The following SRRM1 variants were observed in gnomAD, a reference collection of about 807,000 sequenced individuals.
SRRM1 encodes the protein serine/arginine repetitive matrix protein 1.
SRRM1 carries 19 observed loss-of-function variants against 110.2 expected under a neutral mutation model. That is an observed-to-expected ratio of 0.17 (90% CI 0.12 to 0.25). The LOEUF (loss-of-function observed/expected upper bound fraction) is 0.25. Among genes scored for constraint, SRRM1 ranks in the 10% least tolerant of loss-of-function variants. The probability of loss-of-function intolerance (pLI) is 1.00; values close to 1 mark genes in which losing one functional copy is unlikely to be tolerated. For synonymous variants in SRRM1, 443 were observed against 414.9 expected (o/e 1.07, Z -0.82); for missense variants, 918 against 1,145.8 (o/e 0.80, Z 2.87).
chr1:24,652,585 CCTT>C lies in SRRM1; in HGVS notation c.880_882del (p.Ser294del), dbSNP rs758007872. 34 of 1,613,222 alleles carry C rather than the reference CCTT, an allele frequency of 2.1e-5. No individual in the cohort carries two copies. Among genetic ancestry groups the C allele is most frequent in the East Asian group, 8.9e-5 (4 of 44,840 alleles). On this transcript the variant is annotated inframe_deletion, in exon 7 of 17. Coordinates refer to ENST00000323848, the MANE Select transcript of SRRM1 (RefSeq NM_005839.4). ...AAGATCCCGGACGCGGTCCCGCTCT[CCTT>C]CTCACACTCGACCTAGACGGCGCCA...
rs764236051 is a variant in SRRM1 at position 24,669,348 on chromosome 1, A to G, written c.1965A>G (p.Ser655=). Residue 655 remains serine, a synonymous_variant, in exon 14 of 17, where the codon TCA becomes TCG. Coordinates refer to ENST00000323848, the MANE Select transcript of SRRM1 (RefSeq NM_005839.4). ...CAGTCACCAAGAGACGTTCACCTTCATTATCATCCAAGCATAGGAAAGGGT... is the reference window on the plus strand; with the variant it reads ...CAGTCACCAAGAGACGTTCACCTTCGTTATCATCCAAGCATAGGAAAGGGT... The part of the protein sequence containing the change: ...SSPVTKRRSP[S]LSSKHRKGSS... 5 of 1,614,156 alleles carry G rather than the reference A, an allele frequency of 3.1e-6. No homozygotes were observed. The highest frequency in any genetic ancestry group is 4.2e-6 in the Non-Finnish European group (5 of 1,180,038).
chr1:24,663,597 A>T (rs902295815), intron 12 of SRRM1, among the ~76,000 whole-genome samples: 1 of 152,080 alleles, frequency 6.6e-6, no homozygotes, highest in African/African-American at 2.4e-5. Context: ...ATTTGTGGTG[A>T]CATTAGGGAG....
chr1:24,669,899 A>C (rs962299618), intron 14 of SRRM1: 1 of 561,700 alleles, frequency 1.8e-6, no homozygotes, highest in Non-Finnish European at 3.1e-6. Flanking sequence ...CTAATCTTAC[A>C]TAAGAAGCAT....
At chr1:24,648,803 G>A (rs1187213927) in intron 3 of SRRM1, 56 bp from the exon 4 acceptor site, 5 of 1,524,864 alleles carry the variant, frequency 3.3e-6, no homozygotes, top group Non-Finnish European at 4.5e-6. Context: ...TGGTTGATTT[G>A]TTGGTTGGTT....
At chr1:24,644,740 G>T (rs373871726) in intron 1 of SRRM1, among the ~76,000 whole-genome samples, 229 of 152,280 alleles carry the variant, frequency 1.5e-3, no homozygotes, top group African/African-American at 5.2e-3. Context: ...CCATCAAAGT[G>T]TTTTGTAGTA....
intron 3 of SRRM1, chr1:24,647,453 CTT>C (rs1436072388): frequency 3.9e-5 from 6 of 152,344 alleles, no homozygotes; most frequent in African/African-American, 1.4e-4. Context: ...TATACTTAAA[CTT>C]CAGACAAATT....
At chr1:24,670,020 T>C in intron 14 of SRRM1, 100 bp from the exon 15 acceptor site, 1 of 1,065,692 alleles carries the variant, frequency 9.4e-7, no homozygotes, top group South Asian at 1.7e-5. Context: ...AAGTGGTATA[T>C]TTGAAATTCA....
chr1:24,645,834 T>C (rs532440116), intron 1 of SRRM1, 150 bp from the exon 2 acceptor site: 6 of 555,920 alleles, frequency 1.1e-5, no homozygotes, highest in South Asian at 4.8e-5. Flanking sequence ...ATCAGCTACA[T>C]TGGGGAAGGA....
intron 8 of SRRM1, among the ~76,000 whole-genome samples, chr1:24,654,547 C>T (rs868263188): frequency 1.3e-5 from 2 of 152,168 alleles, no homozygotes; most frequent in Admixed American, 6.6e-5. Flanking sequence ...ACACCAATAC[C>T]ATTCCTAAGG....
intron 8 of SRRM1, among the ~76,000 whole-genome samples, chr1:24,653,621 C>T (rs1190192670): frequency 6.6e-6 from 1 of 152,152 alleles, no homozygotes; most frequent in African/African-American, 2.4e-5. Flanking sequence ...AAAACCCCAA[C>T]TGTACCAGTG....
At chr1:24,649,538 C>A (rs538043821) in intron 4 of SRRM1, among the ~76,000 whole-genome samples, 3 of 152,308 alleles carry the variant, frequency 2.0e-5, no homozygotes, top group Non-Finnish European at 2.9e-5. Flanking sequence ...AGACTTGTCT[C>A]GAACTCCTGA....
chr1:24,643,564 G>A, intron 1 of SRRM1: 1 of 416,932 alleles, frequency 2.4e-6, no homozygotes, highest in Admixed American at 4.7e-5. Context: ...CCCCTACGCG[G>A]CGGCGACGGT....
In SRRM1 at chr1:24,650,169, A is replaced by G. The variant is rs1007125069; in HGVS notation, c.521+83A>G. 13 of 1,308,132 alleles carry G rather than the reference A, an allele frequency of 9.9e-6. No homozygotes were observed. The African/African-American group carries it at 1.2e-4, about 12-fold the overall frequency. 81.0% of individuals were successfully genotyped at this position (1,308,132 alleles called of 1,614,324 possible). ...TTCCTTAGTTAAAAAGGAATCTAAC[A>G]GCGCTATTCAAGGAATTTGTTCCAT... On this transcript the variant is annotated intron_variant, in intron 5 of 16. Coordinates refer to ENST00000323848, the MANE Select transcript of SRRM1 (RefSeq NM_005839.4).
intron 14 of SRRM1, 196 bp from the exon 15 acceptor site, chr1:24,669,924 A>G (rs1014241027): frequency 3.4e-6 from 2 of 588,364 alleles, no homozygotes; most frequent in Admixed American, 3.5e-5. Flanking sequence ...AACAGAATAG[A>G]TAGAGGATTA....
rs187041155 is a variant in SRRM1, at chr1:24,662,899, A to C, written c.1628+95A>C. The C allele has an allele frequency of 7.3e-4, 1,100 of 1,505,466 alleles. 9 individuals carry two copies. In the African/African-American group the frequency reaches 0.013, roughly 18 times the overall value. 93.3% of individuals were successfully genotyped at this position (1,505,466 alleles called of 1,614,324 possible). A position where few individuals can be genotyped will look rare whatever the true frequency, so the allele number is the denominator to read the frequency against. ...ATTTGAGAATTTGGTTAACTCCTTC[A>C]AGTATTTGGATGTGGTTGGATTTTT... On this transcript the variant is annotated intron_variant, in intron 12 of 16. Transcript: ENST00000323848.
Position 24,671,527 on chromosome 1 carries a change from G to A in SRRM1, c.2542G>A (p.Ala848Thr). The A allele has an allele frequency of 6.2e-7, 1 of 1,609,116 alleles. No individual in the cohort carries two copies. Reference protein sequence around the residue: ...AAAAAAAVTPAAIAAATTTLA... With the variant: ...AAAAAAAVTPTAIAAATTTLA... ...AGCTGCTGCAGCTGCTGTGACCCCTGCAGCCATTGCAGCTGCCACAACCAC... is the reference window on the plus strand; with the variant it reads ...AGCTGCTGCAGCTGCTGTGACCCCTACAGCCATTGCAGCTGCCACAACCAC... The change falls in exon 16 of 17, where the codon GCA becomes ACA. Residue 848 changes from alanine to threonine, a missense_variant. By Grantham distance (58) the Ala-to-Thr change is moderately conservative. Transcript: ENST00000323848.
chr1:24,645,944 A>ATC (rs755356738), intron 1 of SRRM1, 40 bp from the exon 2 acceptor site: 1 of 1,563,762 alleles, frequency 6.4e-7, no homozygotes, highest in Non-Finnish European at 8.8e-7. Context: ...TAAGGATTTA[A>ATC]CTTTGAACCC....
In SRRM1 at chr1:24,666,103, A is replaced by T. The variant is rs570870371; in HGVS notation, c.1629-712A>T. Among the ~76,000 whole-genome samples the T allele has an allele frequency of 9.2e-5, 14 of 152,354 alleles. No homozygotes were observed. In the South Asian group the frequency reaches 2.9e-3, roughly 32 times the overall value. ...AAAACACCTGGCTGGACCTTAGCCC[A>T]GACCTGGTAGGCATAAATCTCACAT... On this transcript the variant is annotated intron_variant, in intron 12 of 16. Transcript: ENST00000323848.
chr1:24,662,845 A>G, intron 12 of SRRM1, 41 bp downstream of exon 12: 2 of 1,591,944 alleles, frequency 1.3e-6, no homozygotes, highest in Non-Finnish European at 8.6e-7. Context: ...ATGTTCTGTA[A>G]TTGTGATGAA....
Sources: allele counts gnomAD v4.1 joint callset (sites outside exome capture counted in the v4.1 genomes callset), GRCh38; gene constraint gnomAD v4.1.1; transcripts MANE v1.5; gene names NCBI Gene and HGNC (gene_info 2026-07-23, HGNC 2026-07-21).